The following TMCO4 variants were observed in gnomAD, a reference collection of about 807,000 sequenced individuals.
The protein encoded by TMCO4 is transmembrane and coiled-coil domains 4, also known as transmembrane and coiled-coil domain-containing protein 4.
In TMCO4, 58 loss-of-function variants were observed where a neutral mutation model predicts 64.7. The observed-to-expected ratio is 0.90, with a 90% CI of 0.73 to 1.12. TMCO4 has a LOEUF of 1.12. Among genes scored for constraint, TMCO4 ranks in the 50% most tolerant of loss-of-function variants. TMCO4 has a pLI of 0.00. For synonymous variants in TMCO4, 325 were observed against 346.1 expected (o/e 0.94, Z 0.68); for missense variants, 780 against 825.9 (o/e 0.94, Z 0.68).
chr1:19,683,426 A>C lies in TMCO4; in HGVS notation c.1519T>G (p.Tyr507Asp), dbSNP rs772445700. 5 of 1,612,848 alleles carry C rather than the reference A, an allele frequency of 3.1e-6. No individual in the cohort carries two copies. In the African/African-American group the frequency reaches 5.3e-5, roughly 17 times the overall value. ...LTSVVSGHLD[Y>D]AKQMDAILKA... is the part of the protein sequence containing the mutation. ...AGGATGGCATCCATCTGCTTGGCAT[A>C]GTCCAGGTGGCCGCTGACCTGCAGG... Residue 507 changes from tyrosine (Y) to aspartate (D), a missense_variant, in exon 16 of 16, where the codon TAT becomes GAT. By Grantham distance (160) the Tyr-to-Asp change is radical. Coordinates refer to ENST00000294543, the MANE Select transcript of TMCO4 (RefSeq NM_181719.7).
At position 19,682,408 on chromosome 1, in the gene TMCO4, G is replaced by A. The variant is rs1320891818; in HGVS notation, c.*632C>T. On this transcript the variant is annotated 3_prime_UTR_variant, in exon 16 of 16. Coordinates refer to ENST00000294543, the MANE Select transcript of TMCO4 (RefSeq NM_181719.7). ...TAGTGGTGTCCAGATGTTGCATGACGGGGGAGCACACTCACATTGTGTCTG... is the reference window on the plus strand; with the variant it reads ...TAGTGGTGTCCAGATGTTGCATGACAGGGGAGCACACTCACATTGTGTCTG... 12 of 554,166 alleles carry A rather than the reference G, an allele frequency of 2.2e-5. No homozygotes were observed. The highest frequency in any genetic ancestry group is 4.7e-4 in the Middle Eastern group (1 of 2,126). 34.3% of individuals were successfully genotyped at this position (554,166 alleles called of 1,614,324 possible).
chr1:19,692,156 CATA>C (rs1403579893), intron 15 of TMCO4, among the ~76,000 whole-genome samples: 4 of 152,198 alleles, frequency 2.6e-5, no homozygotes, highest in Admixed American at 6.5e-5. Context: ...CAGCCAGCAA[CATA>C]ATAACTAGAA....
At chr1:19,740,128 C>T (rs1166679176) in intron 11 of TMCO4, among the ~76,000 whole-genome samples, 168 bp from the exon 12 acceptor site, 1 of 152,190 alleles carries the variant, frequency 6.6e-6, no homozygotes, top group Non-Finnish European at 1.5e-5. Context: ...TCATGAATTT[C>T]TGATATATGG....
chr1:19,787,276 G>A (rs987777332), intron 2 of TMCO4, among the ~76,000 whole-genome samples, 159 bp from the exon 3 acceptor site: 4 of 152,194 alleles, frequency 2.6e-5, no homozygotes, highest in Non-Finnish European at 4.4e-5. Context: ...TCCTTGACGT[G>A]GGGTGCTCTT....
intron 13 of TMCO4, among the ~76,000 whole-genome samples, chr1:19,723,681 T>C (rs745388239): frequency 3.2e-4 from 48 of 152,222 alleles, no homozygotes; most frequent in Non-Finnish European, 7.3e-5. Flanking sequence ...CAGACCCTCT[T>C]GGTCTCCTTT....
rs1334680437 is a variant in TMCO4 at position 19,734,239 on chromosome 1, G to A, written c.1264+3133C>T. Among the ~76,000 whole-genome samples, 1 of 152,170 alleles carries A rather than the reference G, an allele frequency of 6.6e-6. No individual in the cohort carries two copies. Among genetic ancestry groups the A allele is most frequent in the Non-Finnish European group, 1.5e-5 (1 of 68,032 alleles). Reference sequence around the variant, plus strand: ...GAGAGAGGCGGGGGAAGGTGCTGAAGGCAGATCATGAGTGGGGCCCTGTGA... The same window carrying A: ...GAGAGAGGCGGGGGAAGGTGCTGAAAGCAGATCATGAGTGGGGCCCTGTGA... On this transcript the variant is annotated intron_variant, in intron 13 of 15. Coordinates refer to ENST00000294543, the MANE Select transcript of TMCO4 (RefSeq NM_181719.7). This position sits in a 1 kb window ranked among gnomAD's most constrained non-coding sequence, Gnocchi z 4.4.
intron 4 of TMCO4, among the ~76,000 whole-genome samples, chr1:19,779,866 C>T (rs2043378562): frequency 6.6e-6 from 1 of 152,162 alleles, no homozygotes; most frequent in Admixed American, 6.5e-5. Context: ...TCACATTTAC[C>T]CTCCATGTAC....
intron 13 of TMCO4, among the ~76,000 whole-genome samples, chr1:19,722,686 G>C (rs1570760641): frequency 6.6e-6 from 1 of 152,256 alleles, no homozygotes; most frequent in East Asian, 1.9e-4. Context: ...GGAAAGACAG[G>C]CTAGGGAGAC....
At chr1:19,762,382 A>G (rs553200512) in intron 6 of TMCO4, among the ~76,000 whole-genome samples, 1 of 152,296 alleles carries the variant, frequency 6.6e-6, no homozygotes, top group South Asian at 2.1e-4. Flanking sequence ...CTCTGCCACC[A>G]GAGGGCAGAA....
Position 19,770,680 on chromosome 1 carries a change from A to G in TMCO4, c.355-111T>C, listed in dbSNP as rs1226729980. ...GGCAGAACAAGACAGACAAAAAGCC[A>G]CTGCCCTAGATTCTAGACGTGAGCC... On this transcript the variant is annotated intron_variant, in intron 5 of 15. Transcript: ENST00000294543. 7.3e-6 allele frequency: 8 copies of G among 1,093,716 alleles called. No individual in the cohort carries two copies. In the East Asian group the frequency reaches 2.0e-4, roughly 27 times the overall value. The allele number at this position is 1,093,716 out of a possible 1,614,324, so 67.8% of individuals were successfully genotyped here.
At chr1:19,688,866 A>G (rs1454672922) in intron 15 of TMCO4, among the ~76,000 whole-genome samples, 1 of 152,178 alleles carries the variant, frequency 6.6e-6, no homozygotes, top group East Asian at 1.9e-4. Flanking sequence ...GCCACCTGGC[A>G]TTTCTGCTGG....
intron 15 of TMCO4, among the ~76,000 whole-genome samples, chr1:19,687,553 G>A (rs531085623): frequency 1.7e-4 from 26 of 152,174 alleles, no homozygotes; most frequent in Non-Finnish European, 3.1e-4. Context: ...GGGGGATGGA[G>A]AGTAGGGAGT....
intron 6 of TMCO4, among the ~76,000 whole-genome samples, chr1:19,767,342 T>C (rs2042780315): frequency 6.6e-6 from 1 of 152,082 alleles, no homozygotes; most frequent in Non-Finnish European, 1.5e-5. Context: ...GCTGAATAAG[T>C]GGTAGTCATT....
chr1:19,794,150 C>T (rs781421655), intron 2 of TMCO4, among the ~76,000 whole-genome samples: 3 of 152,090 alleles, frequency 2.0e-5, no homozygotes, highest in East Asian at 1.9e-4. Flanking sequence ...TTGCATTGGC[C>T]GTTCCCACGG....
chr1:19,694,760 G>A (rs1259109294), intron 14 of TMCO4, among the ~76,000 whole-genome samples: 1 of 152,222 alleles, frequency 6.6e-6, no homozygotes, highest in East Asian at 1.9e-4. Context: ...ATGGTGTGCA[G>A]GGCTATGCAC....
In TMCO4 at chr1:19,771,376, C is replaced by T. The variant is rs1557599860; in HGVS notation, c.286G>A (p.Ala96Thr). 2 of 1,614,210 alleles carry T rather than the reference C, an allele frequency of 1.2e-6. No homozygotes were observed. The highest frequency in any genetic ancestry group is 1.1e-5 in the South Asian group (1 of 91,080). ...AFASGLGGEG[A>T]DVFVQILLKD... is the part of the protein sequence containing the mutation. Reference sequence around the variant, plus strand: ...AGTAAAATTTGAACAAACACATCTGCTCCTTCACCTCCCAGGCCGCTCGCA... The same window carrying T: ...AGTAAAATTTGAACAAACACATCTGTTCCTTCACCTCCCAGGCCGCTCGCA... The change falls in exon 5 of 16, where the codon GCA becomes ACA. Residue 96 changes from alanine to threonine, a missense_variant. Ala to Thr is a moderately conservative substitution (Grantham distance 58). Transcript: ENST00000294543.
At chr1:19,764,881 AG>A (rs2042667006) in intron 6 of TMCO4, among the ~76,000 whole-genome samples, 1 of 149,744 alleles carries the variant, frequency 6.7e-6, no homozygotes, top group Non-Finnish European at 1.5e-5. Context: ...ATGTTGATGG[AG>A]AACCCAGCAG....
At chr1:19,773,906 C>G (rs55795840) in intron 4 of TMCO4, among the ~76,000 whole-genome samples, 17,064 of 152,156 alleles carry the variant, frequency 0.11, 1,420 homozygotes, top group African/African-American at 0.24. Context: ...GTCCAACCAC[C>G]TGGGGGAGTC....
At chr1:19,756,809 T>C (rs758940240) in intron 6 of TMCO4, among the ~76,000 whole-genome samples, 1 of 151,914 alleles carries the variant, frequency 6.6e-6, no homozygotes, top group Non-Finnish European at 1.5e-5. Flanking sequence ...CTGGGCAACA[T>C]AGCAAGATCT....
Sources: gnomAD v4.1 joint callset for allele counts (sites outside exome capture counted in the v4.1 genomes callset) on GRCh38, gnomAD v4.1.1 for gene constraint, Gnocchi (gnomAD v3.1) non-coding constraint, MANE v1.5 for transcripts, NCBI Gene and HGNC (gene_info 2026-07-23, HGNC 2026-07-21) for gene names.